The following WDR49 variants were observed in gnomAD, a reference collection of about 807,000 sequenced individuals.
The protein encoded by WDR49 is WD repeat domain 49, also known as cilia- and flagella-associated protein 337.
Under a neutral mutation model 119.5 loss-of-function variants are expected in WDR49, and 107 were observed. That is an observed-to-expected ratio of 0.90 (90% CI 0.77 to 1.05). The LOEUF is 1.05. Among genes scored for constraint, WDR49 ranks in the 50% least tolerant of loss-of-function variants. The pLI is 0.00. For synonymous variants in WDR49, 425 were observed against 418.8 expected (o/e 1.01, Z -0.18); for missense variants, 1,240 against 1,220.5 (o/e 1.02, Z -0.24).
chr3:167,533,485 G>A (rs896960793), intron 11 of WDR49, among the ~76,000 whole-genome samples: 3 of 152,048 alleles, frequency 2.0e-5, no homozygotes, highest in Admixed American at 1.3e-4. Flanking sequence ...TTGGGTAAAA[G>A]CAAGTAAATC....
At chr3:167,562,254 G>A (rs1713310922) in intron 8 of WDR49, among the ~76,000 whole-genome samples, 1 of 152,146 alleles carries the variant, frequency 6.6e-6, no homozygotes, top group Admixed American at 6.5e-5. Flanking sequence ...GCAATGTGGA[G>A]AACAAACTGG....
intron 16 of WDR49, among the ~76,000 whole-genome samples, chr3:167,519,874 T>G (rs992990020): frequency 6.6e-6 from 1 of 151,982 alleles, no homozygotes; most frequent in African/African-American, 2.4e-5. Context: ...TAAAATTAAC[T>G]GAAAATGAAG....
At chr3:167,593,268 C>T (rs1715233732) in intron 7 of WDR49, among the ~76,000 whole-genome samples, 1 of 152,010 alleles carries the variant, frequency 6.6e-6, no homozygotes, top group Admixed American at 6.6e-5. Context: ...TTTTCTAGAT[C>T]TTGAAGGTGT....
At chr3:167,546,600 G>A (rs1712218758) in intron 10 of WDR49, among the ~76,000 whole-genome samples, 1 of 150,104 alleles carries the variant, frequency 6.7e-6, no homozygotes, top group Non-Finnish European at 1.5e-5. Context: ...GAATGATTGT[G>A]TCATCTTGTG....
At chr3:167,571,528 A>G (rs1008476844) in intron 8 of WDR49, among the ~76,000 whole-genome samples, 8 of 152,222 alleles carry the variant, frequency 5.3e-5, no homozygotes, top group South Asian at 4.1e-4. Context: ...AGTGAAGTCT[A>G]CATCAAGGGA....
At chr3:167,619,624 A>G (rs1420436916) in intron 5 of WDR49, among the ~76,000 whole-genome samples, 27 of 152,188 alleles carry the variant, frequency 1.8e-4, no homozygotes, top group Admixed American at 1.8e-3. Flanking sequence ...CTCTTCTTCA[A>G]ACTGTATTAG....
chr3:167,559,254 A>G (rs1244606992), intron 9 of WDR49, among the ~76,000 whole-genome samples: 1 of 152,196 alleles, frequency 6.6e-6, no homozygotes, highest in African/African-American at 2.4e-5. Context: ...ACACCATGGA[A>G]GGTAGTCTAA....
chr3:167,510,827 C>T (rs1751944277), intron 16 of WDR49, among the ~76,000 whole-genome samples: 1 of 151,822 alleles, frequency 6.6e-6, no homozygotes, highest in East Asian at 1.9e-4. Flanking sequence ...TATTTTCCTT[C>T]ATCTTTCTTC....
chr3:167,495,561 AAC>A (rs35194468), intron 18 of WDR49, among the ~76,000 whole-genome samples: 22,069 of 151,960 alleles, frequency 0.15, 1,992 homozygotes, highest in African/African-American at 0.26. Flanking sequence ...GATATAATTA[AAC>A]AGTCTAACAT....
rs1751505763 is a variant in WDR49, at chr3:167,500,183, G to T, written c.3001C>A (p.Gln1001Lys). The T allele has an allele frequency of 6.3e-7, 1 of 1,577,386 alleles. No homozygotes were observed. Among genetic ancestry groups the T allele is most frequent in the Non-Finnish European group, 8.6e-7 (1 of 1,169,420 alleles). The change falls in exon 18 of 19, where the codon CAA becomes AAA. Residue 1001 changes from glutamine to lysine, a missense_variant. By Grantham distance (53) the Gln-to-Lys change is moderately conservative. Transcript: ENST00000682715. ...AAAAGTGACGGGGCCTCCAGAATTT[G>T]GGGACGCTCTTCCTCTGGTTCTTTC... Reference protein sequence around the residue: ...FRKEPEEERPQILEAPSLFKT... With the variant: ...FRKEPEEERPKILEAPSLFKT...
At chr3:167,562,377 A>G (rs1713319169) in intron 8 of WDR49, among the ~76,000 whole-genome samples, 1 of 152,154 alleles carries the variant, frequency 6.6e-6, no homozygotes, top group African/African-American at 2.4e-5. Context: ...CAGGGCCATG[A>G]TTTAGCAACA....
At chr3:167,486,020 G>C (rs1265442158) in intron 18 of WDR49, among the ~76,000 whole-genome samples, 2 of 151,382 alleles carry the variant, frequency 1.3e-5, no homozygotes, top group South Asian at 2.1e-4. Flanking sequence ...GTCACATACA[G>C]AGAGACCACA....
intron 3 of WDR49, 75 bp from the exon 4 acceptor site, chr3:167,621,718 C>T: frequency 7.4e-7 from 1 of 1,355,822 alleles, no homozygotes. Flanking sequence ...GCAGACACGC[C>T]ACTCTAATTG....
intron 16 of WDR49, among the ~76,000 whole-genome samples, chr3:167,521,707 A>C (rs767947507): frequency 3.3e-5 from 5 of 152,184 alleles, no homozygotes; most frequent in Non-Finnish European, 7.3e-5. Flanking sequence ...TTTAGCATGA[A>C]AGTTAAGTTA....
rs972005330 is a variant in WDR49 at position 167,575,245 on chromosome 3, C to G, written c.1509+673G>C. ...TACCCACAGGCTGCCCCACACTGAG[C>G]TCACTGGCTTCACTGCCTGGGCCGC... On this transcript the variant is annotated intron_variant, in intron 8 of 18. Coordinates refer to ENST00000682715, the MANE Select transcript of WDR49 (RefSeq NM_001366157.1). 4.1e-6 allele frequency: 4 copies of G among 985,848 alleles called. No individual in the cohort carries two copies. In the African/African-American group the frequency reaches 7.0e-5, roughly 17 times the overall value. 61.1% of individuals were successfully genotyped at this position (985,848 alleles called of 1,614,324 possible).
intron 2 of WDR49, among the ~76,000 whole-genome samples, chr3:167,652,295 A>C (rs1034793085): frequency 6.6e-6 from 1 of 152,230 alleles, no homozygotes; most frequent in African/African-American, 2.4e-5. Context: ...TTTTGTGGAT[A>C]TCCAAAGATA....
At chr3:167,570,088 C>A (rs1713844783) in intron 8 of WDR49, among the ~76,000 whole-genome samples, 1 of 148,088 alleles carries the variant, frequency 6.8e-6, no homozygotes, top group African/African-American at 2.5e-5. Context: ...GACATATAAC[C>A]AATTACAGCT....
rs1433299114 is a variant in WDR49 at position 167,619,537 on chromosome 3, A to C, written c.958+892T>G. Among the ~76,000 whole-genome samples the C allele has an allele frequency of 2.0e-5, 3 of 152,200 alleles. No homozygotes were observed. In the East Asian group the frequency reaches 5.8e-4, roughly 29 times the overall value. ...AATTCTTACTGTGGGCATACATTAA[A>C]GAATTAGTTTCAACCTTCTGAAACC... On this transcript the variant is annotated intron_variant, in intron 5 of 18. Coordinates refer to ENST00000682715, the MANE Select transcript of WDR49 (RefSeq NM_001366157.1).
chr3:167,494,211 T>C (rs901514686), intron 18 of WDR49, among the ~76,000 whole-genome samples: 2 of 152,150 alleles, frequency 1.3e-5, no homozygotes, highest in African/African-American at 4.8e-5. Context: ...GAATAATTTA[T>C]TCAGATATAA....
Sources: allele counts gnomAD v4.1 joint callset (sites outside exome capture counted in the v4.1 genomes callset), GRCh38; gene constraint gnomAD v4.1.1; transcripts MANE v1.5; gene names NCBI Gene and HGNC (gene_info 2026-07-23, HGNC 2026-07-21).